LRP1B: variants seen among roughly 807,000 people sequenced by gnomAD.
The protein encoded by LRP1B is low-density lipoprotein receptor-related protein 1B.
Under a neutral mutation model 556.6 loss-of-function variants are expected in LRP1B, and 217 were observed. That is an observed-to-expected ratio of 0.39 (90% CI 0.35 to 0.44). The LOEUF (loss-of-function observed/expected upper bound fraction) is 0.44, where lower values mean the gene tolerates loss of function less well. LRP1B is among the 20% of genes least tolerant of loss of function. LRP1B has a pLI of 1.00. For missense variants in LRP1B, 5,053 were observed against 5,620.8 expected (o/e 0.90, Z 3.23); for synonymous variants, 2,047 against 1,865.8 (o/e 1.10, Z -2.50).
intron 66 of LRP1B, among the ~76,000 whole-genome samples, chr2:140,429,604 T>A (rs1490058061): frequency 1.3e-5 from 2 of 152,154 alleles, no homozygotes; most frequent in Non-Finnish European, 2.9e-5. Flanking sequence ...GTGCTCTCCC[T>A]GCTGATCGTG....
At chr2:141,799,577 C>A (rs978216342) in intron 2 of LRP1B, among the ~76,000 whole-genome samples, 4 of 152,188 alleles carry the variant, frequency 2.6e-5, no homozygotes, top group African/African-American at 9.7e-5. Context: ...TTCTTCCTCA[C>A]ACCCTCTCGA....
chr2:141,091,556 T>A (rs1700173071), intron 7 of LRP1B, among the ~76,000 whole-genome samples: 1 of 152,036 alleles, frequency 6.6e-6, no homozygotes, highest in Admixed American at 6.6e-5. Context: ...TGACTTGGCA[T>A]GTCTAAATTA....
rs70994438 is a variant in LRP1B at position 141,568,920 on chromosome 2, AT to A, written c.206-88388del. Among the ~76,000 whole-genome samples the A allele has an allele frequency of 6.6e-4, 94 of 142,934 alleles. 1 individual carries two copies. The highest frequency in any genetic ancestry group is 3.5e-3 in the Middle Eastern group (1 of 284). 93.8% of individuals were successfully genotyped at this position (142,934 alleles called of 152,430 possible). A position where few individuals can be genotyped will look rare whatever the true frequency, so the allele number is the denominator to read the frequency against. ...AGGTGTGTGCCACCATGCCCAGTTAATTTTTTTTTTTTTGTATTTATATTTG... is the reference window on the plus strand; with the variant it reads ...AGGTGTGTGCCACCATGCCCAGTTAATTTTTTTTTTTTGTATTTATATTTG... On this transcript the variant is annotated intron_variant, in intron 2 of 90. Coordinates refer to ENST00000389484, the MANE Select transcript of LRP1B (RefSeq NM_018557.3).
At chr2:141,548,717 A>G (rs1387899453) in intron 2 of LRP1B, among the ~76,000 whole-genome samples, 1 of 152,166 alleles carries the variant, frequency 6.6e-6, no homozygotes, top group African/African-American at 2.4e-5. Context: ...AGGCACCAGC[A>G]AAGAGCCTTT....
intron 1 of LRP1B, among the ~76,000 whole-genome samples, chr2:141,975,248 T>C (rs1228992688): frequency 6.6e-6 from 1 of 152,060 alleles, no homozygotes; most frequent in African/African-American, 2.4e-5. Context: ...GGTATTAACA[T>C]TTAATATACT....
chr2:141,288,067 A>G (rs896723868), intron 3 of LRP1B, among the ~76,000 whole-genome samples: 14 of 152,238 alleles, frequency 9.2e-5, no homozygotes, highest in Non-Finnish European at 7.4e-5. Flanking sequence ...TATACATACT[A>G]TCTACTATCC....
At chr2:141,425,135 G>A (rs1680308615) in intron 3 of LRP1B, among the ~76,000 whole-genome samples, 1 of 150,352 alleles carries the variant, frequency 6.7e-6, no homozygotes, top group Non-Finnish European at 1.5e-5. Context: ...TGTTCTCATC[G>A]TTCAGTTCCC....
At chr2:141,390,827 T>G (rs527933328) in intron 3 of LRP1B, among the ~76,000 whole-genome samples, 1 of 152,336 alleles carries the variant, frequency 6.6e-6, no homozygotes, top group Non-Finnish European at 1.5e-5. Context: ...GTTTTGGAAC[T>G]AGACAGAAGT....
At chr2:142,016,623 A>T (rs894613295) in intron 1 of LRP1B, among the ~76,000 whole-genome samples, 2 of 152,020 alleles carry the variant, frequency 1.3e-5, no homozygotes, top group Non-Finnish European at 2.9e-5. Context: ...GTGGGAGTTG[A>T]ACAATGAGAA....
chr2:140,705,450 G>T (rs952469233), intron 37 of LRP1B, among the ~76,000 whole-genome samples: 3 of 143,098 alleles, frequency 2.1e-5, no homozygotes, highest in African/African-American at 7.8e-5. Context: ...CTGGAACCCG[G>T]GACACAGAGT....
intron 41 of LRP1B, among the ~76,000 whole-genome samples, chr2:140,653,640 G>C (rs1172818863): frequency 6.6e-6 from 1 of 151,948 alleles, no homozygotes; most frequent in African/African-American, 2.4e-5. Context: ...TAATATATGT[G>C]ACCATATTAT....
At chr2:141,584,220 G>A (rs1687051436) in intron 2 of LRP1B, among the ~76,000 whole-genome samples, 1 of 151,702 alleles carries the variant, frequency 6.6e-6, no homozygotes, top group African/African-American at 2.4e-5. Flanking sequence ...CCTCCAGTCT[G>A]GGTGACAGAG....
At chr2:141,636,961 T>G (rs961738455) in intron 2 of LRP1B, among the ~76,000 whole-genome samples, 5 of 152,172 alleles carry the variant, frequency 3.3e-5, no homozygotes, top group African/African-American at 1.2e-4. Flanking sequence ...TGAAAATGGT[T>G]AGTCCTGGGA....
chr2:140,471,520 T>C (rs948070696), intron 60 of LRP1B, among the ~76,000 whole-genome samples: 5 of 152,216 alleles, frequency 3.3e-5, no homozygotes, highest in Non-Finnish European at 7.4e-5. Flanking sequence ...ATTTACTTAA[T>C]TTTTATAATG....
chr2:140,905,622 T>A (rs996491609), intron 22 of LRP1B, among the ~76,000 whole-genome samples: 1 of 152,078 alleles, frequency 6.6e-6, no homozygotes, highest in Admixed American at 6.6e-5. Context: ...GAAGCCTGTT[T>A]TCCCCTCCTG....
chr2:141,977,795 T>C (rs1180031970), intron 1 of LRP1B, among the ~76,000 whole-genome samples: 2 of 152,054 alleles, frequency 1.3e-5, no homozygotes, highest in African/African-American at 4.8e-5. Flanking sequence ...TACTGTACAG[T>C]GTGAAGTGAA....
chr2:141,086,665 A>G (rs1700055244), intron 7 of LRP1B, among the ~76,000 whole-genome samples: 1 of 151,642 alleles, frequency 6.6e-6, no homozygotes, highest in Non-Finnish European at 1.5e-5. Flanking sequence ...TGTGTCAGTC[A>G]AGAACAAAAG....
intron 37 of LRP1B, among the ~76,000 whole-genome samples, chr2:140,711,370 A>G (rs1336291051): frequency 2.6e-5 from 4 of 152,108 alleles, no homozygotes; most frequent in African/African-American, 9.6e-5. Context: ...CTTAATTCAT[A>G]GAGCTGTGTT....
intron 2 of LRP1B, among the ~76,000 whole-genome samples, chr2:141,781,757 A>G (rs149349501): frequency 2.2e-4 from 34 of 152,306 alleles, no homozygotes; most frequent in African/African-American, 7.9e-4. Context: ...AAAGACATGT[A>G]TGCACATTTT....
Sources: gnomAD v4.1 joint callset for allele counts (sites outside exome capture counted in the v4.1 genomes callset) on GRCh38, gnomAD v4.1.1 for gene constraint, MANE v1.5 for transcripts, NCBI Gene and HGNC (gene_info 2026-07-23, HGNC 2026-07-21) for gene names.